The following OXSR1 variants were observed in gnomAD, a reference collection of about 807,000 sequenced individuals.
OXSR1 encodes the protein serine/threonine-protein kinase OSR1.
A neutral mutation model predicts 79.8 loss-of-function variants in OXSR1; 24 were observed. The ratio of observed to expected loss-of-function variants is 0.30; its 90% CI spans 0.22 to 0.42. The LOEUF (loss-of-function observed/expected upper bound fraction) is 0.42. OXSR1 is among the 10% of genes least tolerant of loss of function. The pLI, the probability that OXSR1 is intolerant of heterozygous loss-of-function variation, is 1.00. For missense variants in OXSR1, 430 were observed against 618.4 expected (o/e 0.70, Z 3.23); for synonymous variants, 226 against 209.2 (o/e 1.08, Z -0.69).
intron 3 of OXSR1, among the ~76,000 whole-genome samples, chr3:38,195,540 C>G (rs909965021): frequency 1.2e-4 from 19 of 152,114 alleles, no homozygotes; most frequent in Non-Finnish European, 2.9e-5. Flanking sequence ...TAAGCAATAA[C>G]TGTAGTAGCT....
chr3:38,191,265 A>G (rs954608440), intron 3 of OXSR1, among the ~76,000 whole-genome samples: 12 of 151,448 alleles, frequency 7.9e-5, no homozygotes, highest in East Asian at 1.9e-4. Context: ...GGGTCTCACT[A>G]TGTTGCCCAG....
intron 8 of OXSR1, among the ~76,000 whole-genome samples, chr3:38,229,321 A>T (rs1238562021): frequency 6.6e-6 from 1 of 151,988 alleles, no homozygotes; most frequent in Non-Finnish European, 1.5e-5. Flanking sequence ...CCTTGCTAAA[A>T]ATGTTAGATA....
At chr3:38,172,845 T>C (rs779661821) in intron 1 of OXSR1, among the ~76,000 whole-genome samples, 1 of 152,216 alleles carries the variant, frequency 6.6e-6, no homozygotes, top group South Asian at 2.1e-4. Flanking sequence ...TAAAATCCTT[T>C]TTCCCCCTTA....
At chr3:38,223,284 G>A (rs754447119) in intron 6 of OXSR1, among the ~76,000 whole-genome samples, 10 of 151,948 alleles carry the variant, frequency 6.6e-5, no homozygotes, top group Non-Finnish European at 1.3e-4. Flanking sequence ...ACCACTCCTA[G>A]CTAATTAAAA....
At chr3:38,180,251 C>A (rs1701757040) in intron 1 of OXSR1, among the ~76,000 whole-genome samples, 1 of 152,104 alleles carries the variant, frequency 6.6e-6, no homozygotes, top group Non-Finnish European at 1.5e-5. Context: ...CGGAAAAAAT[C>A]TTTAAGTGGA....
intron 3 of OXSR1, among the ~76,000 whole-genome samples, chr3:38,198,215 A>G (rs1203983006): frequency 6.6e-6 from 1 of 152,104 alleles, no homozygotes; most frequent in East Asian, 1.9e-4. Flanking sequence ...TAGCTCTTTT[A>G]TTTCTATAAT....
intron 3 of OXSR1, among the ~76,000 whole-genome samples, chr3:38,195,781 A>G (rs1702063273): frequency 6.6e-6 from 1 of 152,184 alleles, no homozygotes; most frequent in African/African-American, 2.4e-5. Context: ...TTATTGTACA[A>G]TTAAAGTTTT....
Position 38,176,212 on chromosome 3 carries a change from G to A in OXSR1, c.71-6791G>A, listed in dbSNP as rs547566334. On this transcript the variant is annotated intron_variant, in intron 1 of 17. Coordinates refer to ENST00000311806, the MANE Select transcript of OXSR1 (RefSeq NM_005109.3). ...TATTTGATCCTATTTACATCAAGAA[G>A]AATGATGGTAAACCCAGTAAATGGT... Among the ~76,000 whole-genome samples, 29 of 152,252 alleles carry A rather than the reference G, an allele frequency of 1.9e-4. No homozygotes were observed. In the South Asian group the frequency reaches 4.4e-3, roughly 23 times the overall value.
Position 38,183,014 on chromosome 3 carries a change from A to G in OXSR1, c.82A>G (p.Thr28Ala). ...ELQEVIGSGATAVVQAAYCAP... is the reference protein window; with the variant it reads ...ELQEVIGSGAAAVVQAAYCAP... ...GTATTTGTTTTTAGGGAGTGGAGCA[A>G]CTGCTGTAGTCCAAGCAGCTTATTG... Residue 28 changes from threonine to alanine, a missense_variant, in exon 2 of 18, where the codon ACT becomes GCT. Physicochemically the swap from Thr to Ala is moderately conservative, Grantham distance 58. Coordinates refer to ENST00000311806, the MANE Select transcript of OXSR1 (RefSeq NM_005109.3). 1 of 1,602,958 alleles carries G rather than the reference A, an allele frequency of 6.2e-7. No homozygotes were observed. Among genetic ancestry groups the G allele is most frequent in the Non-Finnish European group, 8.5e-7 (1 of 1,172,348 alleles).
intron 12 of OXSR1, 124 bp from the exon 13 acceptor site, chr3:38,245,951 C>A: frequency 1.3e-6 from 1 of 796,112 alleles, no homozygotes; most frequent in South Asian, 1.6e-5. Flanking sequence ...GGAGTAGACA[C>A]AAAACCTGTA....
At chr3:38,240,934 C>T (rs1434934276) in intron 11 of OXSR1, among the ~76,000 whole-genome samples, 1 of 151,918 alleles carries the variant, frequency 6.6e-6, no homozygotes, top group African/African-American at 2.4e-5. Flanking sequence ...TAAATATGGA[C>T]GAGTGTTGGA....
At chr3:38,238,894 A>AT (rs1446304978) in intron 11 of OXSR1, among the ~76,000 whole-genome samples, 3 of 151,748 alleles carry the variant, frequency 2.0e-5, no homozygotes, top group Non-Finnish European at 4.4e-5. Context: ...ATTTTCAAAC[A>AT]TTTTTTTTCT....
rs1702930762 is a variant in OXSR1 at position 38,236,938 on chromosome 3, A to G, written c.1051A>G (p.Lys351Glu). ...DEFDEESEEGKAAISQLRSPR... is the reference protein window; with the variant it reads ...DEFDEESEEGEAAISQLRSPR... Reference sequence around the variant, plus strand: ...ATTTGATGAAGAAAGTGAGGAAGGGAAAGCAGCAATTTCACAACTCAGGGT... The same window carrying G: ...ATTTGATGAAGAAAGTGAGGAAGGGGAAGCAGCAATTTCACAACTCAGGGT... Residue 351 changes from lysine to glutamate, a missense_variant, in exon 11 of 18, where the codon AAA becomes GAA. This residue lies in a region of OXSR1 where 276 missense variants were observed against 354.2 expected (regional missense o/e 0.78). Coordinates refer to ENST00000311806, the MANE Select transcript of OXSR1 (RefSeq NM_005109.3). 6.2e-7 allele frequency: 1 copy of G among 1,612,148 alleles called. No individual in the cohort carries two copies. Among genetic ancestry groups the G allele is most frequent in the African/African-American group, 1.3e-5 (1 of 74,826 alleles).
chr3:38,198,040 C>T (rs1702098586), intron 3 of OXSR1, among the ~76,000 whole-genome samples: 1 of 152,308 alleles, frequency 6.6e-6, no homozygotes, highest in Admixed American at 6.5e-5. Context: ...TTTTGGTAGT[C>T]AGCACTGTGC....
intron 1 of OXSR1, 122 bp downstream of exon 1, chr3:38,166,068 G>T (rs1701446510): frequency 2.3e-6 from 2 of 877,254 alleles, no homozygotes. Flanking sequence ...GCGCTTGTGG[G>T]GCTGGGGGCT....
At chr3:38,214,101 A>G (rs1335181050) in intron 4 of OXSR1, among the ~76,000 whole-genome samples, 1 of 151,314 alleles carries the variant, frequency 6.6e-6, no homozygotes, top group African/African-American at 2.4e-5. Flanking sequence ...GGAGGTGGGG[A>G]GTAGGGATTG....
chr3:38,224,438 T>C, intron 7 of OXSR1, 133 bp from the exon 8 acceptor site: 1 of 653,448 alleles, frequency 1.5e-6, no homozygotes, highest in Non-Finnish European at 2.6e-6. Flanking sequence ...AAACAACTGA[T>C]TCAGATATGA....
chr3:38,191,851 A>C (rs1364963946), intron 3 of OXSR1, among the ~76,000 whole-genome samples: 1 of 152,192 alleles, frequency 6.6e-6, no homozygotes, highest in East Asian at 1.9e-4. Flanking sequence ...TTATTTCATC[A>C]GGGGTTGTAA....
chr3:38,181,592 G>T (rs934246292), intron 1 of OXSR1, among the ~76,000 whole-genome samples: 1 of 151,856 alleles, frequency 6.6e-6, no homozygotes, highest in African/African-American at 2.4e-5. Context: ...TCCTGACCTC[G>T]TGATCCGCCT....
Sources: gnomAD v4.1 joint callset for allele counts (sites outside exome capture counted in the v4.1 genomes callset) on GRCh38, gnomAD v4.1.1 for gene constraint, gnomAD v4.1.1 regional missense constraint, MANE v1.5 for transcripts, NCBI Gene and HGNC (gene_info 2026-07-23, HGNC 2026-07-21) for gene names.